The following COL21A1 variants were observed in gnomAD, a reference collection of about 807,000 sequenced individuals.
COL21A1 encodes the protein collagen type XXI alpha 1 chain, also known as collagen alpha-1(XXI) chain.
Under a neutral mutation model 137.9 loss-of-function variants are expected in COL21A1, and 149 were observed. The observed-to-expected ratio is 1.08, with a 90% CI of 0.95 to 1.24. COL21A1 has a LOEUF of 1.24. Ranked by LOEUF, COL21A1 falls within the 50% of genes most tolerant of loss-of-function variation. The pLI is 0.00. For missense variants in COL21A1, 1,167 were observed against 1,158.4 expected, an observed-to-expected ratio of 1.01 and a Z score of -0.11; for synonymous variants, 456 against 391.5, an observed-to-expected ratio of 1.16 and a Z score of -1.95.
rs1361041219 is a variant in COL21A1 at position 56,098,598 on chromosome 6, T to A, written c.1812+2874A>T. Among the ~76,000 whole-genome samples the A allele has an allele frequency of 7.2e-3, 107 of 14,892 alleles. 18 individuals are homozygous for A. Among genetic ancestry groups the A allele is most frequent in the African/African-American group, 0.035 (92 of 2,598 alleles). The allele number at this position is 14,892 out of a possible 152,430, so 9.8% of individuals were successfully genotyped here. Reference sequence around the variant, plus strand: ...ATAAATATATATAAATATATAAATATATATATAAATATATATAAATATATA... The same window carrying A: ...ATAAATATATATAAATATATAAATAAATATATAAATATATATAAATATATA... On this transcript the variant is annotated intron_variant, in intron 17 of 29. Transcript: ENST00000244728.
In COL21A1 at chr6:56,059,166, TG is replaced by T. The variant is rs1349242827; in HGVS notation, c.2684del (p.Pro895GlnfsTer9). On this transcript the variant is annotated frameshift_variant and splice_region_variant, in exon 29 of 30. Transcript: ENST00000244728. LOFTEE classifies it high-confidence loss of function. ...TTATGAGCAGGTAGCAATTCTCACC[TG>T]GGGGACCAGGAGGACCTTGTTCTCC... ...YPGEQGPPGP[P>X]GPEGPPGISK... 6.2e-7 allele frequency: 1 copy of T among 1,611,716 alleles called. No homozygotes were observed. The highest frequency in any genetic ancestry group is 1.3e-5 in the African/African-American group (1 of 74,926).
At chr6:56,138,707 G>T (rs1774183877) in intron 12 of COL21A1, among the ~76,000 whole-genome samples, 1 of 152,116 alleles carries the variant, frequency 6.6e-6, no homozygotes, top group South Asian at 2.1e-4. Context: ...TGGGATGGAA[G>T]TCCTACTAGA....
chr6:56,308,924 T>C (rs1764534527), intron 1 of COL21A1, among the ~76,000 whole-genome samples: 1 of 152,156 alleles, frequency 6.6e-6, no homozygotes, highest in Non-Finnish European at 1.5e-5. Context: ...TCCTTCCCTT[T>C]GGATGTGATA....
At chr6:56,088,728 T>A (rs1422235284) in intron 17 of COL21A1, among the ~76,000 whole-genome samples, 1 of 152,170 alleles carries the variant, frequency 6.6e-6, no homozygotes, top group African/African-American at 2.4e-5. Context: ...TGTTTCATGA[T>A]GTTATTCAGA....
chr6:56,164,907 C>T (rs887238718), intron 7 of COL21A1, 85 bp from the exon 8 acceptor site: 5 of 1,061,348 alleles, frequency 4.7e-6, no homozygotes, highest in Admixed American at 5.7e-5. Flanking sequence ...ATTTCACCAT[C>T]CAGATTAGAG....
At chr6:56,210,112 G>A (rs1248999834) in intron 1 of COL21A1, among the ~76,000 whole-genome samples, 1 of 152,014 alleles carries the variant, frequency 6.6e-6, no homozygotes, top group Non-Finnish European at 1.5e-5. Flanking sequence ...GTTGGGTGGT[G>A]GGGGGCTGGG....
At chr6:56,216,257 C>A (rs960695364) in intron 1 of COL21A1, among the ~76,000 whole-genome samples, 3 of 152,036 alleles carry the variant, frequency 2.0e-5, no homozygotes, top group African/African-American at 7.2e-5. Context: ...CGTGTTCCAA[C>A]CAACCAAGCC....
At chr6:56,124,940 C>T (rs563311026) in intron 14 of COL21A1, among the ~76,000 whole-genome samples, 7 of 151,706 alleles carry the variant, frequency 4.6e-5, no homozygotes, top group East Asian at 3.9e-4. Context: ...CCACCGCGCC[C>T]GGCCTTCAGT....
intron 1 of COL21A1, among the ~76,000 whole-genome samples, chr6:56,201,091 ATAAATGTCTT>A (rs1779374109): frequency 6.6e-6 from 1 of 152,166 alleles, no homozygotes; most frequent in African/African-American, 2.4e-5. Flanking sequence ...TGTTGGCTGC[ATAAATGTCTT>A]CTTTTGAGAA....
chr6:56,222,457 C>T (rs926019749), intron 1 of COL21A1, among the ~76,000 whole-genome samples: 1 of 152,024 alleles, frequency 6.6e-6, no homozygotes, highest in Non-Finnish European at 1.5e-5. Context: ...TCTAATATTT[C>T]ATGCCTATAA....
chr6:56,380,383 T>G (rs763110167), intron 1 of COL21A1, among the ~76,000 whole-genome samples: 1 of 152,232 alleles, frequency 6.6e-6, no homozygotes, highest in Non-Finnish European at 1.5e-5. Context: ...AATGGACTAA[T>G]ATGACTGCCT....
chr6:56,268,040 G>A (rs557029001), intron 1 of COL21A1, among the ~76,000 whole-genome samples: 17 of 152,276 alleles, frequency 1.1e-4, no homozygotes, highest in African/African-American at 2.6e-4. Flanking sequence ...CCAAGGGTCT[G>A]GAAGATGGAA....
chr6:56,262,001 A>G (rs1763288166), intron 1 of COL21A1, among the ~76,000 whole-genome samples: 1 of 152,248 alleles, frequency 6.6e-6, no homozygotes, highest in South Asian at 2.1e-4. Flanking sequence ...GGAAAAGAAA[A>G]TGGAATCTTG....
chr6:56,293,803 A>G (rs1326183922), intron 1 of COL21A1, among the ~76,000 whole-genome samples: 1 of 152,212 alleles, frequency 6.6e-6, no homozygotes, highest in East Asian at 1.9e-4. Flanking sequence ...ATTAAAATAA[A>G]TGAAAAAGTC....
intron 1 of COL21A1, among the ~76,000 whole-genome samples, chr6:56,191,987 G>A (rs995343836): frequency 2.5e-4 from 38 of 151,974 alleles, no homozygotes; most frequent in Non-Finnish European, 3.7e-4. Context: ...AGCATGGTAC[G>A]GGTACCAAAA....
intron 1 of COL21A1, among the ~76,000 whole-genome samples, chr6:56,192,143 C>A (rs1778727103): frequency 6.6e-6 from 1 of 152,068 alleles, no homozygotes; most frequent in African/African-American, 2.4e-5. Flanking sequence ...AACTAGCTAG[C>A]CATATGCAGA....
At chr6:56,239,184 T>C (rs1233064933) in intron 1 of COL21A1, among the ~76,000 whole-genome samples, 1 of 152,194 alleles carries the variant, frequency 6.6e-6, no homozygotes, top group East Asian at 1.9e-4. Context: ...GAAATAATTA[T>C]TTCATCTTCA....
intron 1 of COL21A1, among the ~76,000 whole-genome samples, chr6:56,252,842 C>T (rs955843495): frequency 6.6e-6 from 1 of 152,076 alleles, no homozygotes; most frequent in African/African-American, 2.4e-5. Context: ...ACAAAACAGC[C>T]ACTGCATGGA....
At position 56,168,192 on chromosome 6, in the gene COL21A1, C is replaced by G; in HGVS notation, c.1132G>C (p.Val378Leu). Residue 378 changes from valine to leucine, a missense_variant, in exon 6 of 30, where the codon GTT (valine) becomes CTT (leucine). By Grantham distance (32) the Val-to-Leu change is conservative. Transcript: ENST00000244728. The part of the protein sequence containing the change: ...QQIENKPLHP[V>L]LGILINGQTQ... ...TGCCCATTGATCAAGATCCCTAAAA[C>G]TGGATGTAAGGGCTTGTTTTCAATT... 1 of 1,561,404 alleles carries G rather than the reference C, an allele frequency of 6.4e-7. No homozygotes were observed.
Sources: allele counts gnomAD v4.1 joint callset (sites outside exome capture counted in the v4.1 genomes callset), GRCh38; gene constraint gnomAD v4.1.1; transcripts MANE v1.5; gene names NCBI Gene and HGNC (gene_info 2026-07-23, HGNC 2026-07-21).